Variants in RASIP1 observed in about 807,000 individuals in gnomAD.
RASIP1 encodes Ras interacting protein 1.
Under a neutral mutation model 85.3 loss-of-function variants are expected in RASIP1, and 20 were observed. The observed-to-expected ratio is 0.23, with a 90% CI of 0.17 to 0.34. The LOEUF (loss-of-function observed/expected upper bound fraction) is 0.34, where lower values mean the gene tolerates loss of function less well. Ranked by LOEUF, RASIP1 falls within the 10% of genes least tolerant of loss-of-function variation. The probability of loss-of-function intolerance (pLI) is 1.00; values close to 1 mark genes in which losing one functional copy is unlikely to be tolerated. For synonymous variants in RASIP1, 617 were observed against 647.1 expected (o/e 0.95, Z 0.71); for missense variants, 1,170 against 1,390.9 (o/e 0.84, Z 2.53).
At position 48,720,746 on chromosome 19, in the gene RASIP1, C is replaced by G; in HGVS notation, c.*52G>C. 2 of 1,570,654 alleles carry G rather than the reference C, an allele frequency of 1.3e-6. No individual in the cohort carries two copies. The highest frequency in any genetic ancestry group is 1.1e-5 in the South Asian group (1 of 89,988). On this transcript the variant is annotated 3_prime_UTR_variant, in exon 12 of 12. Transcript: ENST00000222145. ...GCTTTGCGCTCAGGCGGGCTCCTGTCCGTAGAAGCCCGTGACATTTCAAGG... is the reference window on the plus strand; with the variant it reads ...GCTTTGCGCTCAGGCGGGCTCCTGTGCGTAGAAGCCCGTGACATTTCAAGG...
At chr19:48,726,666 A>C (rs1476462611) in intron 8 of RASIP1, 119 bp downstream of exon 8, 2 of 781,552 alleles carry the variant, frequency 2.6e-6, no homozygotes, top group Non-Finnish European at 4.0e-6. Flanking sequence ...TCAAATAGTG[A>C]CATCAGAGCC....
chr19:48,731,827 C>T (rs1450157400), intron 4 of RASIP1, among the ~76,000 whole-genome samples: 1 of 152,228 alleles, frequency 6.6e-6, no homozygotes, highest in Non-Finnish European at 1.5e-5. Context: ...GGTAGACTCT[C>T]CTGTTCTTCA....
At chr19:48,727,929 C>T (rs1025853502) in intron 5 of RASIP1, among the ~76,000 whole-genome samples, 12 of 152,062 alleles carry the variant, frequency 7.9e-5, no homozygotes, top group African/African-American at 2.9e-4. Flanking sequence ...TTCAGGTGAT[C>T]TGCCCGCCTC....
In RASIP1 at chr19:48,721,991, C is replaced by T. The variant is rs758792776; in HGVS notation, c.2555G>A (p.Ser852Asn). Reference sequence around the variant, plus strand: ...GGTGGGGTGGTCGGTTCTTAGGCTGCTCCATGAAGCCTGGTGGGAAGACCA... The same window carrying T: ...GGTGGGGTGGTCGGTTCTTAGGCTGTTCCATGAAGCCTGGTGGGAAGACCA... The part of the protein sequence containing the change: ...PRTSLLKASW[S>N]SLRTDHPTLT... Residue 852 changes from serine to asparagine, a missense_variant, in exon 11 of 12, where the codon AGC (serine) becomes AAC (asparagine). Transcript: ENST00000222145. The T allele has an allele frequency of 2.1e-6, 3 of 1,453,420 alleles. No individual in the cohort carries two copies. Among genetic ancestry groups the T allele is most frequent in the Admixed American group, 2.3e-5 (1 of 42,754 alleles). The allele number at this position is 1,453,420 out of a possible 1,614,324, so 90.0% of individuals were successfully genotyped here.
Position 48,735,507 on chromosome 19 carries a change from C to T in RASIP1, c.868G>A (p.Ala290Thr). 1 of 1,550,240 alleles carries T rather than the reference C, an allele frequency of 6.5e-7. No homozygotes were observed. The highest frequency in any genetic ancestry group is 1.2e-5 in the South Asian group (1 of 84,718). ...SWRPQKNRSR[A>T]ASGGAALASP... ...GCCAGCGCTGCCCCACCCGACGCCG[C>T]CCGGGAGCGGTTCTTCTGTGGCCGC... is the stretch of plus-strand genomic sequence containing the variant. The change falls in exon 4 of 12, where the codon GCG (alanine) becomes ACG (threonine). Residue 290 changes from alanine (A) to threonine (T), a missense_variant. Transcript: ENST00000222145.
At chr19:48,730,384 G>A (rs926561137) in intron 4 of RASIP1, among the ~76,000 whole-genome samples, 7 of 151,896 alleles carry the variant, frequency 4.6e-5, no homozygotes, top group South Asian at 2.1e-4. Context: ...GGATGGTCTC[G>A]ATCTCTTGAC....
chr19:48,733,998 T>C (rs918719630), intron 4 of RASIP1, among the ~76,000 whole-genome samples: 1 of 151,646 alleles, frequency 6.6e-6, no homozygotes, highest in African/African-American at 2.4e-5. Context: ...AAATTTTTCA[T>C]TAAAAAATTT....
intron 3 of RASIP1, among the ~76,000 whole-genome samples, chr19:48,737,144 C>T (rs1405663426): frequency 1.3e-5 from 2 of 152,180 alleles, no homozygotes; most frequent in Admixed American, 1.3e-4. Context: ...TGCTTATAAT[C>T]GTCATTCTTT....
At chr19:48,737,126 G>A (rs1156950052) in intron 3 of RASIP1, among the ~76,000 whole-genome samples, 2 of 152,116 alleles carry the variant, frequency 1.3e-5, no homozygotes, top group African/African-American at 2.4e-5. Flanking sequence ...AGGGGGTGGC[G>A]GAGACAATGC....
chr19:48,721,221 A>G (rs777117030), intron 11 of RASIP1, among the ~76,000 whole-genome samples: 6 of 152,096 alleles, frequency 3.9e-5, no homozygotes, highest in African/African-American at 7.2e-5. Context: ...CGGCTTCCCA[A>G]ATCCCCGAGA....
chr19:48,725,127 T>C, intron 8 of RASIP1, 167 bp from the exon 9 acceptor site: 1 of 712,854 alleles, frequency 1.4e-6, no homozygotes, highest in South Asian at 1.9e-5. Flanking sequence ...CCCTACTTGA[T>C]AGAAGGGTAT....
rs2122493564 is a variant in RASIP1 at position 48,740,023 on chromosome 19, C to T, written c.137+123G>A. The T allele has an allele frequency of 7.6e-7, 1 of 1,314,512 alleles. No individual in the cohort carries two copies. The highest frequency in any genetic ancestry group is 1.0e-6 in the Non-Finnish European group (1 of 987,354). The allele number at this position is 1,314,512 out of a possible 1,614,324, so 81.4% of individuals were successfully genotyped here. ...GTGCCCCACCGTCTCCCCCTGCCCA[C>T]CAGCTCGTTTGCCCAATTCAGGATG... is the stretch of plus-strand genomic sequence containing the variant. On this transcript the variant is annotated intron_variant, in intron 2 of 11. Transcript: ENST00000222145. This position sits in a 1 kb window ranked among gnomAD's most constrained non-coding sequence, Gnocchi z 5.5.
Position 48,724,549 on chromosome 19 carries a change from G to T in RASIP1, c.2372-40C>A. ...GGTATGAGAGGCAGTTGGTTGGCTG[G>T]ACTCTGTGCTCCTGCCTCCCAGACT... is the stretch of plus-strand genomic sequence containing the variant. On this transcript the variant is annotated intron_variant, in intron 9 of 11. Coordinates refer to ENST00000222145, the MANE Select transcript of RASIP1 (RefSeq NM_017805.3). This position sits in a 1 kb window ranked among gnomAD's most constrained non-coding sequence, Gnocchi z 4.6. 6.3e-7 allele frequency: 1 copy of T among 1,597,278 alleles called. No individual in the cohort carries two copies.
intron 8 of RASIP1, among the ~76,000 whole-genome samples, chr19:48,725,747 T>C (rs1399903261): frequency 6.6e-6 from 1 of 152,196 alleles, no homozygotes; most frequent in Non-Finnish European, 1.5e-5. Context: ...TCACAGTTCC[T>C]GGCACTATTT....
intron 4 of RASIP1, among the ~76,000 whole-genome samples, chr19:48,732,871 G>A (rs1026243907): frequency 4.6e-5 from 7 of 152,122 alleles, no homozygotes; most frequent in African/African-American, 1.7e-4. Context: ...CCGTAAAAAT[G>A]GAACTGTCGA....
intron 4 of RASIP1, among the ~76,000 whole-genome samples, chr19:48,730,842 A>T (rs1228547500): frequency 2.6e-5 from 4 of 152,042 alleles, no homozygotes; most frequent in Non-Finnish European, 5.9e-5. Flanking sequence ...ACACGGTGAA[A>T]CCTGTCTCTA....
intron 8 of RASIP1, among the ~76,000 whole-genome samples, chr19:48,726,034 C>T (rs1195056314): frequency 1.3e-5 from 2 of 152,036 alleles, no homozygotes; most frequent in Admixed American, 6.6e-5. Flanking sequence ...TCAAGCGATT[C>T]TCCTCCCTCA....
Position 48,729,560 on chromosome 19 carries a change from G to T in RASIP1, c.1210C>A (p.Gln404Lys). Residue 404 changes from glutamine (Q) to lysine (K), a missense_variant, in exon 5 of 12, where the codon CAG (glutamine) becomes AAG (lysine). Around this residue, in one of 4 missense-constraint regions of RASIP1, gnomAD observed 301 missense variants for 294.8 expected, o/e 1.02. Transcript: ENST00000222145. ...DFVVYVMTRE[Q>K]HVFGRGGNSS... ...TTCCCACCTCGCCCAAACACGTGCT[G>T]CTCTCGCGTCATCACATACACCACA... is the stretch of plus-strand genomic sequence containing the variant. 1 of 1,601,936 alleles carries T rather than the reference G, an allele frequency of 6.2e-7. No homozygotes were observed.
At chr19:48,728,859 G>A in intron 5 of RASIP1, 78 bp downstream of exon 5, 1 of 1,336,756 alleles carries the variant, frequency 7.5e-7, no homozygotes, top group South Asian at 1.7e-5. Flanking sequence ...CTATGAAAAG[G>A]GTTGAAGGTA....
Sources: gnomAD v4.1 joint callset for allele counts (sites outside exome capture counted in the v4.1 genomes callset) on GRCh38, gnomAD v4.1.1 for gene constraint, gnomAD v4.1.1 regional missense constraint, Gnocchi (gnomAD v3.1) non-coding constraint, MANE v1.5 for transcripts, NCBI Gene and HGNC (gene_info 2026-07-23, HGNC 2026-07-21) for gene names.